Variants in TSHZ2 observed in about 807,000 individuals in gnomAD.
TSHZ2 encodes teashirt zinc finger homeobox 2.
Under a neutral mutation model 74.4 loss-of-function variants are expected in TSHZ2, and 21 were observed. The observed-to-expected ratio is 0.28, with a 90% CI of 0.20 to 0.41. The LOEUF is 0.41. TSHZ2 is among the 10% of genes least tolerant of loss of function. The probability of loss-of-function intolerance (pLI) is 1.00; values close to 1 mark genes in which losing one functional copy is unlikely to be tolerated. For synonymous variants in TSHZ2, 540 were observed against 515.3 expected, an observed-to-expected ratio of 1.05 and a Z score of -0.65; for missense variants, 1,244 against 1,293.5, an observed-to-expected ratio of 0.96 and a Z score of 0.59.
chr20:53,263,837 A>G (rs141372467), intron 2 of TSHZ2, among the ~76,000 whole-genome samples: 79 of 151,852 alleles, frequency 5.2e-4, no homozygotes, highest in African/African-American at 1.5e-3. Context: ...TCTTTAGGAA[A>G]CTCTACTTCC....
chr20:53,240,486 G>A (rs754315324), intron 1 of TSHZ2, among the ~76,000 whole-genome samples: 4 of 151,944 alleles, frequency 2.6e-5, no homozygotes, highest in Non-Finnish European at 5.9e-5. Context: ...CCATTTTTAG[G>A]TACAACTGCA....
chr20:52,988,051 T>G (rs1454278829), intron 1 of TSHZ2, among the ~76,000 whole-genome samples: 1 of 152,216 alleles, frequency 6.6e-6, no homozygotes, highest in African/African-American at 2.4e-5. Flanking sequence ...TGTTCTTTCC[T>G]GATTTCCTTT....
At chr20:53,080,578 G>GAT (rs1985500423) in intron 1 of TSHZ2, among the ~76,000 whole-genome samples, 1 of 152,136 alleles carries the variant, frequency 6.6e-6, no homozygotes, top group Non-Finnish European at 1.5e-5. Context: ...GGATGATCAG[G>GAT]CATTAGTTAG....
intron 2 of TSHZ2, among the ~76,000 whole-genome samples, chr20:53,371,517 G>A: frequency 6.6e-6 from 1 of 152,214 alleles, no homozygotes. Context: ...CACACACTGG[G>A]TGACACAGGG....
intron 2 of TSHZ2, among the ~76,000 whole-genome samples, chr20:53,267,713 C>T (rs943377225): frequency 6.6e-6 from 1 of 152,204 alleles, no homozygotes; most frequent in African/African-American, 2.4e-5. Flanking sequence ...CTCACAAACA[C>T]TTAGTAAATA....
At chr20:53,085,757 C>T (rs1985680756) in intron 1 of TSHZ2, among the ~76,000 whole-genome samples, 1 of 152,172 alleles carries the variant, frequency 6.6e-6, no homozygotes, top group African/African-American at 2.4e-5. Flanking sequence ...ACACTATGCC[C>T]CCAGGATTCA....
intron 2 of TSHZ2, among the ~76,000 whole-genome samples, chr20:53,394,778 A>C (rs1201245725): frequency 6.7e-6 from 1 of 150,294 alleles, no homozygotes; most frequent in Non-Finnish European, 1.5e-5. Flanking sequence ...AAAAAAAAAA[A>C]AACTGTTCTT....
chr20:53,321,683 C>CAGAAA (rs575239072), intron 2 of TSHZ2, among the ~76,000 whole-genome samples: 4 of 58,306 alleles, frequency 6.9e-5, no homozygotes, highest in African/African-American at 3.3e-4. Flanking sequence ...GACTCCATCT[C>CAGAAA]AAAAAAAAAA....
intron 2 of TSHZ2, among the ~76,000 whole-genome samples, chr20:53,466,196 C>T (rs1418685128): frequency 1.3e-5 from 2 of 150,352 alleles, no homozygotes; most frequent in East Asian, 2.0e-4. Flanking sequence ...TGCAGTGAGC[C>T]GAGATCGTGC....
At chr20:53,012,185 C>T (rs1387322473) in intron 1 of TSHZ2, among the ~76,000 whole-genome samples, 2 of 152,142 alleles carry the variant, frequency 1.3e-5, no homozygotes, top group Non-Finnish European at 2.9e-5. Flanking sequence ...CAGGGCTGGC[C>T]AGAGGTCTTG....
chr20:53,434,529 G>A (rs1309963628), intron 2 of TSHZ2, among the ~76,000 whole-genome samples: 1 of 152,192 alleles, frequency 6.6e-6, no homozygotes, highest in Admixed American at 6.5e-5. Context: ...TCATAAGGAA[G>A]ATCGTTTTCA....
rs114997602 is a variant in TSHZ2 at position 52,987,853 on chromosome 20, G to A, written c.40+14520G>A. 5.2e-3 allele frequency among the ~76,000 whole-genome samples: 797 copies of A among 152,244 alleles called. 10 individuals carry two copies. Among genetic ancestry groups the A allele is most frequent in the African/African-American group, 0.018 (759 of 41,546 alleles). On this transcript the variant is annotated intron_variant, in intron 1 of 2. Transcript: ENST00000371497. Reference sequence around the variant, plus strand: ...TCCAGATCAGTGAGACAAGAAAGAAGCAAAAGGGATCTCTCAGACTTGATT... The same window carrying A: ...TCCAGATCAGTGAGACAAGAAAGAAACAAAAGGGATCTCTCAGACTTGATT...
chr20:53,490,585 CCAGA>C lies in TSHZ2; in HGVS notation c.*3454_*3457del, dbSNP rs1292557603. 1 of 152,108 alleles carries C rather than the reference CCAGA, an allele frequency of 6.6e-6. No individual in the cohort carries two copies. The highest frequency in any genetic ancestry group is 2.4e-5 in the African/African-American group (1 of 41,394). The allele number at this position is 152,108 out of a possible 1,614,324, so 9.4% of individuals were successfully genotyped here. A position where few individuals can be genotyped will look rare whatever the true frequency, so the allele number is the denominator to read the frequency against. On this transcript the variant is annotated 3_prime_UTR_variant, in exon 3 of 3. Transcript: ENST00000371497. The stretch of plus-strand genomic sequence containing the variant: ...ATAATCACGGAATAAACTGGATAAC[CCAGA>C]CAGTCCCCACAGAATTTCTTTCAGG...
intron 1 of TSHZ2, among the ~76,000 whole-genome samples, chr20:53,117,245 T>G (rs1301224442): frequency 2.0e-5 from 3 of 152,130 alleles, no homozygotes; most frequent in African/African-American, 7.2e-5. Flanking sequence ...GTAAGCTCCA[T>G]ATAGAGGTTC....
chr20:53,061,975 G>A (rs1225382027), intron 1 of TSHZ2, among the ~76,000 whole-genome samples: 1 of 152,076 alleles, frequency 6.6e-6, no homozygotes, highest in African/African-American at 2.4e-5. Flanking sequence ...AAATAAGTAA[G>A]TCTGGGCTGA....
At chr20:53,342,556 C>T (rs1414647327) in intron 2 of TSHZ2, among the ~76,000 whole-genome samples, 2 of 152,106 alleles carry the variant, frequency 1.3e-5, no homozygotes, top group Admixed American at 1.3e-4. Context: ...CTTGTTCTGT[C>T]TCAAGTACCC....
At chr20:53,381,979 CT>C (rs1231816341) in intron 2 of TSHZ2, among the ~76,000 whole-genome samples, 1 of 152,164 alleles carries the variant, frequency 6.6e-6, no homozygotes, top group Non-Finnish European at 1.5e-5. Context: ...AAAATGTTGG[CT>C]GTTGCAAAAA....
At chr20:52,995,224 G>T (rs1982137774) in intron 1 of TSHZ2, among the ~76,000 whole-genome samples, 1 of 152,182 alleles carries the variant, frequency 6.6e-6, no homozygotes, top group Non-Finnish European at 1.5e-5. Flanking sequence ...GTTGGGGTAA[G>T]CTCCATCTTT....
chr20:53,244,894 G>A (rs1990165364), intron 1 of TSHZ2, among the ~76,000 whole-genome samples: 1 of 152,202 alleles, frequency 6.6e-6, no homozygotes, highest in African/African-American at 2.4e-5. Context: ...CCCCAAACTG[G>A]AGGAAGCTCT....
Sources: gnomAD v4.1 joint callset for allele counts (sites outside exome capture counted in the v4.1 genomes callset) on GRCh38, gnomAD v4.1.1 for gene constraint, MANE v1.5 for transcripts, NCBI Gene and HGNC (gene_info 2026-07-23, HGNC 2026-07-21) for gene names.